CDH18: variants seen among roughly 807,000 people sequenced by gnomAD.
CDH18 encodes cadherin 18.
A neutral mutation model predicts 67.9 loss-of-function variants in CDH18; 31 were observed. That is an observed-to-expected ratio of 0.46 (90% confidence interval 0.34 to 0.62). The LOEUF is 0.62. Among genes scored for constraint, CDH18 ranks in the 20% least tolerant of loss-of-function variants. The probability of loss-of-function intolerance (pLI) is 0.01; values close to 1 mark genes in which losing one functional copy is unlikely to be tolerated. For synonymous variants in CDH18, 362 were observed against 347.2 expected, an observed-to-expected ratio of 1.04 and a Z score of -0.48; for missense variants, 890 against 975.5, an observed-to-expected ratio of 0.91 and a Z score of 1.17.
intron 3 of CDH18, among the ~76,000 whole-genome samples, chr5:19,797,190 T>C (rs1776951709): frequency 6.6e-6 from 1 of 151,860 alleles, no homozygotes; most frequent in African/African-American, 2.4e-5. Context: ...AGTAAAATAA[T>C]GGAAAATACT....
chr5:20,568,455 T>C (rs1758635523), intron 1 of CDH18, among the ~76,000 whole-genome samples: 1 of 152,150 alleles, frequency 6.6e-6, no homozygotes, highest in Admixed American at 6.5e-5. Flanking sequence ...GTCAAGGAGT[T>C]AATTATATTG....
chr5:20,555,850 G>A (rs1015451034), intron 1 of CDH18, among the ~76,000 whole-genome samples: 2 of 151,512 alleles, frequency 1.3e-5, no homozygotes, highest in South Asian at 2.1e-4. Context: ...AATTCCCAGA[G>A]GTATTTTGCA....
intron 1 of CDH18, among the ~76,000 whole-genome samples, chr5:20,330,727 G>A (rs572789653): frequency 2.3e-4 from 35 of 152,266 alleles, no homozygotes; most frequent in African/African-American, 8.4e-4. Flanking sequence ...GAAGAATCAG[G>A]CGAGAAGGGA....
intron 1 of CDH18, among the ~76,000 whole-genome samples, chr5:20,490,645 A>G (rs2126383009): frequency 6.6e-6 from 1 of 152,298 alleles, no homozygotes; most frequent in African/African-American, 2.4e-5. Flanking sequence ...GTACATAGAT[A>G]GAGGCTGCAA....
intron 1 of CDH18, among the ~76,000 whole-genome samples, chr5:20,473,851 G>A (rs1304613897): frequency 1.3e-5 from 2 of 152,006 alleles, no homozygotes; most frequent in African/African-American, 2.4e-5. Flanking sequence ...CAATAGAGAA[G>A]ACATTGTCCA....
rs189240790 is a variant in CDH18, at chr5:19,941,898, A to G, written c.-257+39162T>C. On this transcript the variant is annotated intron_variant, in intron 2 of 12. Transcript: ENST00000382275. ...TTTGCCTAAGATCATAAATGAAGCT[A>G]GTTGAAAAACTGAGACTAAAGTGAA... 1.6e-4 allele frequency among the ~76,000 whole-genome samples: 25 copies of G among 152,270 alleles called. 1 individual carries two copies. In the East Asian group the frequency reaches 4.6e-3, roughly 28 times the overall value.
In CDH18 at chr5:20,475,982, A is replaced by G. The variant is rs1342688332; in HGVS notation, c.-580+99480T>C. 3.9e-5 allele frequency among the ~76,000 whole-genome samples: 6 copies of G among 152,308 alleles called. No homozygotes were observed. The East Asian group carries it at 1.2e-3, about 29-fold the overall frequency. On this transcript the variant is annotated intron_variant, in intron 1 of 14. Coordinates refer to the CDH18 transcript ENST00000507958. ...TTCAGGAGTCTGAAAAACTAGACCAAATGTTTCTCAGAAGAACACCATAAG... is the reference window on the plus strand; with the variant it reads ...TTCAGGAGTCTGAAAAACTAGACCAGATGTTTCTCAGAAGAACACCATAAG...
chr5:19,646,759 AAGC>A (rs952292027), intron 5 of CDH18, among the ~76,000 whole-genome samples: 1 of 152,306 alleles, frequency 6.6e-6, no homozygotes, highest in East Asian at 1.9e-4. Context: ...ATAGTAAAGA[AAGC>A]AGGAATGAGA....
At chr5:19,731,014 T>C (rs1169731625) in intron 4 of CDH18, among the ~76,000 whole-genome samples, 13 of 152,208 alleles carry the variant, frequency 8.5e-5, no homozygotes, top group Admixed American at 8.5e-4. Flanking sequence ...CTAGAGTCAC[T>C]TGCCTTATTA....
In CDH18 at chr5:20,246,412, ATTTATTCGAAACTCTT is replaced by A. The variant is rs536209630; in HGVS notation, c.-518+9016_-518+9031del. 9.2e-5 allele frequency among the ~76,000 whole-genome samples: 14 copies of A among 152,202 alleles called. No homozygotes were observed. The South Asian group carries it at 2.7e-3, about 29-fold the overall frequency. On this transcript the variant is annotated intron_variant, in intron 2 of 14. Coordinates refer to the CDH18 transcript ENST00000507958. ...TGTCTATCCCTTTGTTGTTGTTTTT[ATTTATTCGAAACTCTT>A]TTAAATAGCAGATCTGTTGAGAATT...
chr5:20,335,419 T>G (rs1397863558), intron 1 of CDH18, among the ~76,000 whole-genome samples: 1 of 152,100 alleles, frequency 6.6e-6, no homozygotes, highest in Non-Finnish European at 1.5e-5. Flanking sequence ...ATTGTCATTA[T>G]TTTTGTGGAG....
At chr5:20,227,845 A>T (rs897105547) in intron 2 of CDH18, among the ~76,000 whole-genome samples, 1 of 151,714 alleles carries the variant, frequency 6.6e-6, no homozygotes, top group Non-Finnish European at 1.5e-5. Context: ...AAATAAGCAC[A>T]AACCTTCTTA....
chr5:20,027,747 G>A (rs1739038327), intron 2 of CDH18, among the ~76,000 whole-genome samples: 1 of 152,166 alleles, frequency 6.6e-6, no homozygotes, highest in Non-Finnish European at 1.5e-5. Flanking sequence ...TAACATTTAT[G>A]ACTTAAATTT....
intron 10 of CDH18, among the ~76,000 whole-genome samples, chr5:19,504,018 CATT>C (rs35142637): frequency 0.2 from 30,442 of 151,826 alleles, 3,324 homozygotes; most frequent in African/African-American, 0.27. Flanking sequence ...TTTCTTAGAA[CATT>C]ATAACTAATT....
chr5:19,821,895 T>C (rs906595918), intron 3 of CDH18, among the ~76,000 whole-genome samples: 13 of 152,232 alleles, frequency 8.5e-5, no homozygotes, highest in Non-Finnish European at 1.6e-4. Context: ...AAAAATCTTT[T>C]CTCGACAAGC....
At chr5:19,526,574 T>C (rs1377954584) in intron 9 of CDH18, among the ~76,000 whole-genome samples, 2 of 152,076 alleles carry the variant, frequency 1.3e-5, no homozygotes, top group African/African-American at 4.8e-5. Flanking sequence ...GGACATTGAA[T>C]GGAAAAAATA....
At chr5:20,573,139 T>C (rs1193526993) in intron 1 of CDH18, among the ~76,000 whole-genome samples, 1 of 151,896 alleles carries the variant, frequency 6.6e-6, no homozygotes, top group Non-Finnish European at 1.5e-5. Flanking sequence ...ACAGAATTTG[T>C]AAGAAAACAA....
chr5:19,959,039 G>C (rs1032036812), intron 2 of CDH18, among the ~76,000 whole-genome samples: 1 of 151,926 alleles, frequency 6.6e-6, no homozygotes, highest in South Asian at 2.1e-4. Flanking sequence ...AATGGTAAAC[G>C]TTTTTTAAAA....
At chr5:19,861,069 A>G (rs1274707394) in intron 2 of CDH18, among the ~76,000 whole-genome samples, 1 of 152,184 alleles carries the variant, frequency 6.6e-6, no homozygotes, top group African/African-American at 2.4e-5. Flanking sequence ...TTTAACAGAA[A>G]CAAAGTATAC....
Sources: allele counts gnomAD v4.1 joint callset (sites outside exome capture counted in the v4.1 genomes callset), GRCh38; gene constraint gnomAD v4.1.1; transcripts MANE v1.5; gene names NCBI Gene and HGNC (gene_info 2026-07-23, HGNC 2026-07-21).